LRBA: variants seen among roughly 807,000 people sequenced by gnomAD.
The protein encoded by LRBA is LPS responsive beige-like anchor protein.
A neutral mutation model predicts 330.0 loss-of-function variants in LRBA; 176 were observed. The ratio of observed to expected loss-of-function variants is 0.53; its 90% CI spans 0.47 to 0.60. The LOEUF (loss-of-function observed/expected upper bound fraction) is 0.60. Among genes scored for constraint, LRBA ranks in the 20% least tolerant of loss-of-function variants. LRBA has a pLI of 0.00. For synonymous variants in LRBA, 1,230 were observed against 1,193.0 expected (o/e 1.03, Z -0.64); for missense variants, 3,259 against 3,444.8 (o/e 0.95, Z 1.35).
At chr4:150,690,134 T>C (rs1783986673) in intron 36 of LRBA, among the ~76,000 whole-genome samples, 1 of 152,134 alleles carries the variant, frequency 6.6e-6, no homozygotes, top group East Asian at 1.9e-4. Flanking sequence ...ATTGATTTTA[T>C]ATATTCAACA....
chr4:150,931,201 CA>C (rs1734456595), intron 2 of LRBA, among the ~76,000 whole-genome samples: 1 of 151,776 alleles, frequency 6.6e-6, no homozygotes, highest in East Asian at 1.9e-4. Context: ...CCAGCTTCCC[CA>C]ATGTATATAT....
At chr4:150,408,046 T>C (rs1156398884) in intron 47 of LRBA, among the ~76,000 whole-genome samples, 1 of 151,764 alleles carries the variant, frequency 6.6e-6, no homozygotes, top group Admixed American at 6.6e-5. Context: ...AGAATGAATA[T>C]TAGAGCGAAA....
intron 48 of LRBA, among the ~76,000 whole-genome samples, chr4:150,335,150 A>T (rs1467616146): frequency 6.6e-6 from 1 of 152,080 alleles, no homozygotes; most frequent in African/African-American, 2.4e-5. Flanking sequence ...GAATTTTCAT[A>T]AGGAAAGAAT....
At chr4:150,888,614 A>C (rs1020839943) in intron 17 of LRBA, among the ~76,000 whole-genome samples, 1 of 152,160 alleles carries the variant, frequency 6.6e-6, no homozygotes, top group Non-Finnish European at 1.5e-5. Context: ...GCATCTCTAG[A>C]GCAACCACCA....
chr4:150,657,828 T>A (rs1323685373), intron 37 of LRBA, among the ~76,000 whole-genome samples: 1 of 152,158 alleles, frequency 6.6e-6, no homozygotes, highest in Non-Finnish European at 1.5e-5. Flanking sequence ...ACAGTATTAA[T>A]AATATAAGAT....
intron 30 of LRBA, among the ~76,000 whole-genome samples, chr4:150,821,267 G>A (rs575980135): frequency 6.6e-6 from 1 of 152,104 alleles, no homozygotes; most frequent in South Asian, 2.1e-4. Flanking sequence ...TATTAAAAGA[G>A]ATAAAAATTG....
intron 2 of LRBA, among the ~76,000 whole-genome samples, chr4:150,965,255 C>T (rs1186141800): frequency 6.6e-6 from 1 of 152,056 alleles, no homozygotes; most frequent in African/African-American, 2.4e-5. Flanking sequence ...TCAAGACAAC[C>T]ATGGTTCATC....
intron 36 of LRBA, among the ~76,000 whole-genome samples, chr4:150,712,499 T>C (rs1219270635): frequency 6.6e-6 from 1 of 152,174 alleles, no homozygotes; most frequent in African/African-American, 2.4e-5. Flanking sequence ...GGAATGCCAA[T>C]GTCCTAATCA....
At chr4:150,492,248 T>C (rs1581476747) in intron 40 of LRBA, among the ~76,000 whole-genome samples, 1 of 151,270 alleles carries the variant, frequency 6.6e-6, no homozygotes, top group East Asian at 1.9e-4. Flanking sequence ...ACAAAAATGA[T>C]TCTATTTCTG....
intron 44 of LRBA, among the ~76,000 whole-genome samples, chr4:150,444,534 C>A (rs947874854): frequency 6.6e-6 from 1 of 152,088 alleles, no homozygotes; most frequent in Non-Finnish European, 1.5e-5. Flanking sequence ...TAGGGTATTT[C>A]GTTATATGCT....
At chr4:150,791,301 G>A (rs1220563052) in intron 34 of LRBA, among the ~76,000 whole-genome samples, 1 of 152,080 alleles carries the variant, frequency 6.6e-6, no homozygotes, top group Non-Finnish European at 1.5e-5. Context: ...TTGCTGTATT[G>A]AAAAAGTCAG....
intron 46 of LRBA, chr4:150,423,137 C>T: frequency 1.0e-6 from 1 of 993,898 alleles, no homozygotes; most frequent in Non-Finnish European, 1.6e-6. Context: ...CTACCACCAC[C>T]AAAGTACAGG....
intron 34 of LRBA, among the ~76,000 whole-genome samples, chr4:150,781,418 G>A (rs927113146): frequency 6.6e-6 from 1 of 152,278 alleles, no homozygotes; most frequent in Admixed American, 6.5e-5. Flanking sequence ...TTCTAATGCC[G>A]CTGCTGATCT....
intron 37 of LRBA, among the ~76,000 whole-genome samples, chr4:150,675,146 G>A (rs1349271472): frequency 6.6e-6 from 1 of 151,962 alleles, no homozygotes; most frequent in Non-Finnish European, 1.5e-5. Context: ...GCTACAGTGA[G>A]CTGTGATCTG....
intron 2 of LRBA, among the ~76,000 whole-genome samples, chr4:150,951,189 A>G (rs574863611): frequency 2.0e-5 from 3 of 152,260 alleles, no homozygotes; most frequent in African/African-American, 7.2e-5. Flanking sequence ...TTTTATACTT[A>G]AGCTACTTTG....
At position 150,487,714 on chromosome 4, in the gene LRBA, T is replaced by C; in HGVS notation, c.6551+18A>G. 1 of 1,495,040 alleles carries C rather than the reference T, an allele frequency of 6.7e-7. No homozygotes were observed. The highest frequency in any genetic ancestry group is 1.4e-5 in the African/African-American group (1 of 72,894). The allele number at this position is 1,495,040 out of a possible 1,614,324, so 92.6% of individuals were successfully genotyped here. ...TAAGACACTTTACTTTCCCTAAGTT[T>C]CTCATATAAAACAGTACCTGGTTTG... On this transcript the variant is annotated intron_variant, in intron 42 of 56. Coordinates refer to ENST00000651943, the MANE Select transcript of LRBA (RefSeq NM_001364905.1).
intron 56 of LRBA, among the ~76,000 whole-genome samples, chr4:150,277,582 T>C (rs1020463624): frequency 1.3e-5 from 2 of 152,170 alleles, no homozygotes; most frequent in Admixed American, 1.3e-4. Flanking sequence ...CTTGGTTTGA[T>C]TGTACAGGTG....
intron 35 of LRBA, among the ~76,000 whole-genome samples, chr4:150,737,182 C>A (rs1271450667): frequency 6.6e-6 from 1 of 152,154 alleles, no homozygotes; most frequent in Non-Finnish European, 1.5e-5. Context: ...CACACCATGG[C>A]ACTTCAGCCT....
Position 150,588,182 on chromosome 4 carries a change from G to A in LRBA, c.6196C>T (p.Pro2066Ser), listed in dbSNP as rs1772356364. The A allele has an allele frequency of 6.3e-7, 1 of 1,576,496 alleles. No individual in the cohort carries two copies. The highest frequency in any genetic ancestry group is 8.6e-7 in the Non-Finnish European group (1 of 1,167,316). The change falls in exon 40 of 57, where the codon CCT (proline) becomes TCT (serine). Residue 2066 changes from proline to serine, a missense_variant and splice_region_variant. Coordinates refer to ENST00000651943, the MANE Select transcript of LRBA (RefSeq NM_001364905.1). ...DEKDLENLAG[P>S]VSLSTPAQLV... ...TGAGCTGGTGTGCTCAGGCTAACAG[G>A]ACCTGCCAAAAGGAAAAGACAAGCC...
Sources: gnomAD v4.1 joint callset for allele counts (sites outside exome capture counted in the v4.1 genomes callset) on GRCh38, gnomAD v4.1.1 for gene constraint, MANE v1.5 for transcripts, NCBI Gene and HGNC (gene_info 2026-07-23, HGNC 2026-07-21) for gene names.